The following SESTD1 variants were observed in gnomAD, a reference collection of about 807,000 sequenced individuals.
The protein encoded by SESTD1 is SEC14 and spectrin domain containing 1.
A neutral mutation model predicts 101.7 loss-of-function variants in SESTD1; 43 were observed. That is an observed-to-expected ratio of 0.42 (90% CI 0.33 to 0.55). The LOEUF (loss-of-function observed/expected upper bound fraction) is 0.55. Among genes scored for constraint, SESTD1 ranks in the 20% least tolerant of loss-of-function variants. The pLI is 0.07. For missense variants in SESTD1, 647 were observed against 815.1 expected, an observed-to-expected ratio of 0.79 and a Z score of 2.51; for synonymous variants, 283 against 286.8, an observed-to-expected ratio of 0.99 and a Z score of 0.13.
At chr2:179,260,410 G>C (rs1314807521) in intron 1 of SESTD1, among the ~76,000 whole-genome samples, 1 of 152,144 alleles carries the variant, frequency 6.6e-6, no homozygotes, top group Non-Finnish European at 1.5e-5. Flanking sequence ...CAGCCACCTG[G>C]GAGGCTGAGG....
Position 179,143,852 on chromosome 2 carries a change from T to G in SESTD1, c.638-49A>C, listed in dbSNP as rs1400580709. On this transcript the variant is annotated intron_variant, in intron 8 of 17. Coordinates refer to ENST00000428443, the MANE Select transcript of SESTD1 (RefSeq NM_178123.5). ...AATTAATATCTGTAAAGAAATGTAA[T>G]TCTCACTTCTCAATATTCCCAATTC... 4 of 1,574,176 alleles carry G rather than the reference T, an allele frequency of 2.5e-6. No homozygotes were observed. In the Admixed American group the frequency reaches 7.0e-5, roughly 27 times the overall value.
In SESTD1 at chr2:179,151,258, T is replaced by G. The variant is rs375720141; in HGVS notation, c.483+20A>C. 515 of 1,440,550 alleles carry G rather than the reference T, an allele frequency of 3.6e-4. No individual in the cohort carries two copies. Among genetic ancestry groups the G allele is most frequent in the Non-Finnish European group, 4.5e-4 (480 of 1,060,766 alleles). The allele number at this position is 1,440,550 out of a possible 1,614,324, so 89.2% of individuals were successfully genotyped here. A position where few individuals can be genotyped will look rare whatever the true frequency, so the allele number is the denominator to read the frequency against. On this transcript the variant is annotated intron_variant, in intron 6 of 17. Transcript: ENST00000428443. ...CTTATTTCTATGCAATAACATTTTATCTCATTGTAATATACCAACCAGCCT... is the reference window on the plus strand; with the variant it reads ...CTTATTTCTATGCAATAACATTTTAGCTCATTGTAATATACCAACCAGCCT...
At chr2:179,189,450 C>T (rs1361898397) in intron 2 of SESTD1, among the ~76,000 whole-genome samples, 3 of 152,092 alleles carry the variant, frequency 2.0e-5, no homozygotes, top group South Asian at 4.2e-4. Context: ...ATAGACAAAC[C>T]CACAGCCAAC....
At chr2:179,194,430 G>A (rs1447080764) in intron 1 of SESTD1, among the ~76,000 whole-genome samples, 1 of 152,012 alleles carries the variant, frequency 6.6e-6, no homozygotes, top group Non-Finnish European at 1.5e-5. Flanking sequence ...TTTCAGTAGG[G>A]GCCCTCCTCA....
chr2:179,256,996 G>A (rs1329744431), intron 1 of SESTD1, among the ~76,000 whole-genome samples: 2 of 152,070 alleles, frequency 1.3e-5, no homozygotes, highest in Non-Finnish European at 2.9e-5. Flanking sequence ...TGAGAGGACT[G>A]ACTCAAATTG....
intron 1 of SESTD1, among the ~76,000 whole-genome samples, chr2:179,217,932 A>C (rs1346672864): frequency 2.0e-5 from 3 of 151,658 alleles, no homozygotes; most frequent in Non-Finnish European, 4.4e-5. Flanking sequence ...CTGAACAACG[A>C]GAACACTTGG....
At chr2:179,189,852 C>T (rs2046294819) in intron 2 of SESTD1, among the ~76,000 whole-genome samples, 1 of 151,886 alleles carries the variant, frequency 6.6e-6, no homozygotes. Flanking sequence ...AAAACTACAC[C>T]TAAGCAAAAA....
chr2:179,164,449 A>C (rs1478272641), intron 5 of SESTD1, among the ~76,000 whole-genome samples: 1 of 152,216 alleles, frequency 6.6e-6, no homozygotes, highest in Non-Finnish European at 1.5e-5. Context: ...CCATTTGAGG[A>C]CAAGATTAAT....
rs1389049568 is a variant in SESTD1, at chr2:179,212,586, C to T, written c.-25-20720G>A. 2.9e-5 allele frequency among the ~76,000 whole-genome samples: 4 copies of T among 136,426 alleles called. 1 individual carries two copies. The highest frequency in any genetic ancestry group is 8.6e-5 in the African/African-American group (3 of 34,844). 89.5% of individuals were successfully genotyped at this position (136,426 alleles called of 152,430 possible). On this transcript the variant is annotated intron_variant, in intron 1 of 17. Coordinates refer to ENST00000428443, the MANE Select transcript of SESTD1 (RefSeq NM_178123.5). ...GCATAGCTGAACAAGAGGCAGCAGA[C>T]AACTTCTGCAGACTTACAAGTCCCT...
intron 2 of SESTD1, among the ~76,000 whole-genome samples, chr2:179,183,663 C>T (rs2046157478): frequency 6.6e-6 from 1 of 151,958 alleles, no homozygotes; most frequent in Admixed American, 6.6e-5. Flanking sequence ...AAAAGTTTCA[C>T]TGAAAAGTTA....
chr2:179,137,318 A>C (rs1483967809), intron 9 of SESTD1, among the ~76,000 whole-genome samples: 1 of 152,200 alleles, frequency 6.6e-6, no homozygotes, highest in Non-Finnish European at 1.5e-5. Context: ...ATGACAGAAC[A>C]TGTAGAAGTA....
intron 1 of SESTD1, among the ~76,000 whole-genome samples, chr2:179,217,112 CA>C (rs1422122093): frequency 6.6e-6 from 1 of 152,088 alleles, no homozygotes; most frequent in Non-Finnish European, 1.5e-5. Flanking sequence ...GCAATGGCAA[CA>C]AAAGCCAAAA....
intron 2 of SESTD1, among the ~76,000 whole-genome samples, chr2:179,185,319 A>G (rs938962594): frequency 6.7e-6 from 1 of 148,366 alleles, no homozygotes; most frequent in Admixed American, 6.8e-5. Flanking sequence ...AGTATAATAT[A>G]TAATATAGCA....
intron 1 of SESTD1, among the ~76,000 whole-genome samples, chr2:179,222,940 T>A (rs1367291851): frequency 2.0e-5 from 3 of 152,170 alleles, no homozygotes; most frequent in Non-Finnish European, 4.4e-5. Flanking sequence ...ATTCTATTCA[T>A]TAATTTTAAA....
At chr2:179,252,384 T>C (rs998056411) in intron 1 of SESTD1, among the ~76,000 whole-genome samples, 1 of 152,236 alleles carries the variant, frequency 6.6e-6, no homozygotes, top group East Asian at 1.9e-4. Flanking sequence ...ATCTGTGGTA[T>C]TGAGCTTTCA....
At chr2:179,191,902 C>T in intron 1 of SESTD1, 36 bp from the exon 2 acceptor site, 1 of 1,362,416 alleles carries the variant, frequency 7.3e-7, no homozygotes, top group South Asian at 1.2e-5. Context: ...AACTACAAGA[C>T]AACAATTATT....
chr2:179,223,331 G>A (rs1189873692), intron 1 of SESTD1, among the ~76,000 whole-genome samples: 1 of 152,032 alleles, frequency 6.6e-6, no homozygotes, highest in African/African-American at 2.4e-5. Context: ...TTGGGGTGAT[G>A]GAAATACTGT....
intron 1 of SESTD1, among the ~76,000 whole-genome samples, chr2:179,251,343 G>T (rs889350146): frequency 6.6e-6 from 1 of 151,632 alleles, no homozygotes; most frequent in African/African-American, 2.4e-5. Context: ...AAACTTACCC[G>T]AAACCTCTTT....
intron 1 of SESTD1, among the ~76,000 whole-genome samples, chr2:179,232,430 A>G (rs2047001084): frequency 6.6e-6 from 1 of 152,092 alleles, no homozygotes; most frequent in South Asian, 2.1e-4. Flanking sequence ...ATCATAAATC[A>G]AAATCCTGGA....
Sources: gnomAD v4.1 joint callset for allele counts (sites outside exome capture counted in the v4.1 genomes callset) on GRCh38, gnomAD v4.1.1 for gene constraint, MANE v1.5 for transcripts, NCBI Gene and HGNC (gene_info 2026-07-23, HGNC 2026-07-21) for gene names.